ADAMTSL3: variants seen among roughly 807,000 people sequenced by gnomAD.
ADAMTSL3 encodes the protein ADAMTS-like protein 3.
Under a neutral mutation model 201.7 loss-of-function variants are expected in ADAMTSL3, and 128 were observed. The ratio of observed to expected loss-of-function variants is 0.63; its 90% CI spans 0.55 to 0.73. The LOEUF is 0.73. Among genes scored for constraint, ADAMTSL3 ranks in the 30% least tolerant of loss-of-function variants. The pLI is 0.00. For missense variants in ADAMTSL3, 1,990 were observed against 2,119.6 expected, an observed-to-expected ratio of 0.94 and a Z score of 1.20; for synonymous variants, 738 against 748.4, an observed-to-expected ratio of 0.99 and a Z score of 0.23.
At chr15:83,772,302 C>G (rs186653286) in intron 3 of ADAMTSL3, among the ~76,000 whole-genome samples, 2 of 152,258 alleles carry the variant, frequency 1.3e-5, no homozygotes, top group Admixed American at 1.3e-4. Flanking sequence ...AGTATTGAGT[C>G]TACTCATTCA....
chr15:83,994,586 G>GTTTTTTTTTTTTTTTTTTTTT (rs3045402), intron 23 of ADAMTSL3, among the ~76,000 whole-genome samples: 1 of 50,232 alleles, frequency 2.0e-5, no homozygotes, highest in Non-Finnish European at 3.6e-5. Context: ...TTGTTTTTTC[G>GTTTTTTTTTTTTTTTTTTTTT]TTTTTTTTTT....
chr15:84,025,209 T>C (rs895919020), intron 26 of ADAMTSL3, 29 bp from the exon 27 acceptor site: 1 of 1,557,618 alleles, frequency 6.4e-7, no homozygotes, highest in Middle Eastern at 1.7e-4. Flanking sequence ...TACCAGTCCT[T>C]ACTAAAGTCC....
chr15:83,903,228 T>G (rs1191979940), intron 15 of ADAMTSL3, among the ~76,000 whole-genome samples: 2 of 147,124 alleles, frequency 1.4e-5, no homozygotes, highest in Non-Finnish European at 3.0e-5. Context: ...TTCTTTTTCT[T>G]TCGGCTGCCA....
chr15:83,692,597 A>G (rs1163541273), intron 2 of ADAMTSL3, among the ~76,000 whole-genome samples: 1 of 149,906 alleles, frequency 6.7e-6, no homozygotes, highest in Non-Finnish European at 1.5e-5. Context: ...GAGGCAGGAG[A>G]ATGTCATGAA....
At chr15:83,848,565 A>G (rs1567186926) in intron 7 of ADAMTSL3, among the ~76,000 whole-genome samples, 2 of 152,252 alleles carry the variant, frequency 1.3e-5, no homozygotes, top group Admixed American at 6.5e-5. Flanking sequence ...AGTGAAACCC[A>G]TAAAATGAAA....
At chr15:83,868,978 A>G (rs983432729) in intron 8 of ADAMTSL3, among the ~76,000 whole-genome samples, 2 of 152,102 alleles carry the variant, frequency 1.3e-5, no homozygotes, top group African/African-American at 4.8e-5. Context: ...CCTTGCCCCA[A>G]TTCTGCATCC....
intron 4 of ADAMTSL3, among the ~76,000 whole-genome samples, chr15:83,780,236 C>A (rs1034794896): frequency 1.3e-5 from 2 of 151,844 alleles, no homozygotes; most frequent in African/African-American, 4.8e-5. Context: ...ATGGTGAAAC[C>A]CTGTCTCTAT....
At chr15:84,018,865 T>C (rs1044985337) in intron 25 of ADAMTSL3, among the ~76,000 whole-genome samples, 17 of 152,146 alleles carry the variant, frequency 1.1e-4, no homozygotes, top group African/African-American at 4.1e-4. Flanking sequence ...CAAAAAGCAC[T>C]AAGTAGAAAA....
intron 19 of ADAMTSL3, among the ~76,000 whole-genome samples, chr15:83,956,477 A>T (rs1323117336): frequency 6.6e-6 from 1 of 152,106 alleles, no homozygotes; most frequent in Non-Finnish European, 1.5e-5. Context: ...GAGTAGGGGG[A>T]TGATCAATGT....
intron 3 of ADAMTSL3, among the ~76,000 whole-genome samples, chr15:83,728,605 C>A (rs1847703284): frequency 6.6e-6 from 1 of 151,988 alleles, no homozygotes; most frequent in Non-Finnish European, 1.5e-5. Flanking sequence ...ATTGCATAAA[C>A]AAACTGACAA....
chr15:83,769,059 A>G lies in ADAMTSL3; in HGVS notation c.190-4464A>G, dbSNP rs191911022. On this transcript the variant is annotated intron_variant, in intron 3 of 29. Coordinates refer to ENST00000286744, the MANE Select transcript of ADAMTSL3 (RefSeq NM_207517.3). Reference sequence around the variant, plus strand: ...TCAGAGAAGCCAAATGCTTGCACTTATAACATGCCTATTTTAGTTATTTTA... The same window carrying G: ...TCAGAGAAGCCAAATGCTTGCACTTGTAACATGCCTATTTTAGTTATTTTA... 5.3e-4 allele frequency among the ~76,000 whole-genome samples: 80 copies of G among 152,238 alleles called. 1 individual carries two copies. Among genetic ancestry groups the G allele is most frequent in the Admixed American group, 1.8e-3 (27 of 15,288 alleles).
intron 19 of ADAMTSL3, among the ~76,000 whole-genome samples, chr15:83,966,096 G>A (rs1346157311): frequency 6.6e-6 from 1 of 152,078 alleles, no homozygotes; most frequent in Non-Finnish European, 1.5e-5. Context: ...GTCTAAAATT[G>A]ACACCCTAAC....
At chr15:84,029,919 C>T (rs1168248722) in intron 27 of ADAMTSL3, among the ~76,000 whole-genome samples, 6 of 152,228 alleles carry the variant, frequency 3.9e-5, no homozygotes, top group African/African-American at 1.4e-4. Context: ...CTTCAGAGGG[C>T]GCAAGCCCCA....
intron 4 of ADAMTSL3, among the ~76,000 whole-genome samples, chr15:83,785,354 C>T (rs1596203929): frequency 6.6e-6 from 1 of 152,150 alleles, no homozygotes; most frequent in Non-Finnish European, 1.5e-5. Context: ...TTCTTGCTTT[C>T]ACACATAAAC....
chr15:83,831,888 T>C (rs963995034), intron 6 of ADAMTSL3, among the ~76,000 whole-genome samples: 2 of 152,160 alleles, frequency 1.3e-5, no homozygotes, highest in African/African-American at 4.8e-5. Flanking sequence ...GGTAAATCCA[T>C]GAATGCGCAA....
At chr15:83,987,868 G>C (rs1157638819) in intron 21 of ADAMTSL3, among the ~76,000 whole-genome samples, 1 of 152,002 alleles carries the variant, frequency 6.6e-6, no homozygotes, top group South Asian at 2.1e-4. Context: ...ATGGGGCAGG[G>C]GAAAAATAGT....
chr15:83,849,400 A>G (rs2141735106), intron 7 of ADAMTSL3, among the ~76,000 whole-genome samples: 1 of 152,320 alleles, frequency 6.6e-6, no homozygotes, highest in Admixed American at 6.5e-5. Context: ...TCCTGGGATT[A>G]CAGGCATGAG....
chr15:83,872,177 GT>G (rs551726245), intron 9 of ADAMTSL3, among the ~76,000 whole-genome samples: 4 of 148,376 alleles, frequency 2.7e-5, no homozygotes, highest in East Asian at 2.0e-4. Context: ...ATCAGGGTTT[GT>G]TTTTTTTTTC....
intron 2 of ADAMTSL3, among the ~76,000 whole-genome samples, chr15:83,700,626 T>A (rs1428009968): frequency 6.6e-6 from 1 of 152,072 alleles, no homozygotes; most frequent in East Asian, 1.9e-4. Context: ...TATCCAGGCA[T>A]GGTGGTGGGC....
Sources: allele counts gnomAD v4.1 joint callset (sites outside exome capture counted in the v4.1 genomes callset), GRCh38; gene constraint gnomAD v4.1.1; transcripts MANE v1.5; gene names NCBI Gene and HGNC (gene_info 2026-07-23, HGNC 2026-07-21).